PIGQ: variants seen among roughly 807,000 people sequenced by gnomAD.
PIGQ encodes the protein phosphatidylinositol glycan anchor biosynthesis class Q, also known as phosphatidylinositol N-acetylglucosaminyltransferase subunit Q.
A neutral mutation model predicts 60.3 loss-of-function variants in PIGQ; 54 were observed. The ratio of observed to expected loss-of-function variants is 0.90; its 90% CI spans 0.72 to 1.12. PIGQ has a LOEUF of 1.12. Among genes scored for constraint, PIGQ ranks in the 50% most tolerant of loss-of-function variants. The probability of loss-of-function intolerance (pLI) is 0.00; values close to 1 mark genes in which losing one functional copy is unlikely to be tolerated. For synonymous variants in PIGQ, 416 were observed against 363.7 expected (o/e 1.14, Z -1.64); for missense variants, 799 against 793.5 (o/e 1.01, Z -0.08).
rs1596389116 is a variant in PIGQ at position 583,559 on chromosome 16, C to T, written c.*524C>T. ...TGAAGCAGTCGCTGACCCCCGTCCC[C>T]AGCGGGCCCGGGCCCTCACTCCCTG... On this transcript the variant is annotated 3_prime_UTR_variant, in exon 11 of 11. Transcript: ENST00000321878. 1 of 1,612,534 alleles carries T rather than the reference C, an allele frequency of 6.2e-7. No homozygotes were observed. The highest frequency in any genetic ancestry group is 8.5e-7 in the Non-Finnish European group (1 of 1,179,724).
chr16:581,094 T>C (rs781107594), intron 9 of PIGQ, 122 bp downstream of exon 9: 174 of 1,373,620 alleles, frequency 1.3e-4, no homozygotes, highest in Non-Finnish European at 1.7e-4. Flanking sequence ...GTGGTATGCA[T>C]GCGCAAGCGG....
intron 4 of PIGQ, 86 bp downstream of exon 4, chr16:576,340 C>T (rs909423593): frequency 3.3e-5 from 47 of 1,420,558 alleles, no homozygotes; most frequent in South Asian, 9.6e-5. Context: ...CCAGAGCCAC[C>T]GCCCCACAAA....
chr16:579,459 TGCCCCGGGCCCGGAGACTA>T (rs2035778327), intron 7 of PIGQ: 1 of 195,072 alleles, frequency 5.1e-6, no homozygotes. Context: ...AGACTAGAGA[TGCCCCGGGCCCGGAGACTA>T]GAGGTGCCCC....
chr16:576,105 A>T, intron 3 of PIGQ, 29 bp from the exon 4 acceptor site: 1 of 1,545,360 alleles, frequency 6.5e-7, no homozygotes, highest in Non-Finnish European at 8.7e-7. Context: ...GGCCACCCTC[A>T]TGCCGGCCGG....
At chr16:579,357 CA>C (rs1477323635) in intron 7 of PIGQ, 177 bp downstream of exon 7, 2 of 609,358 alleles carry the variant, frequency 3.3e-6, no homozygotes, top group African/African-American at 3.7e-5. Flanking sequence ...GGCTCTGAAG[CA>C]GCGCAGAGCT....
At chr16:571,224 T>C (rs186623262) in intron 1 of PIGQ, among the ~76,000 whole-genome samples, 19 of 764 alleles carry the variant, frequency 0.025, no homozygotes, top group Non-Finnish European at 0.044. Flanking sequence ...GTGTGTCTGG[T>C]TAGCCTGTGT....
intron 7 of PIGQ, 42 bp from the exon 8 acceptor site, chr16:580,141 C>A: frequency 6.5e-7 from 1 of 1,530,196 alleles, no homozygotes; most frequent in Non-Finnish European, 9.0e-7. Context: ...TCCCTGGGCG[C>A]GGGGTCCTGC....
chr16:578,727 G>C (rs1362464330), intron 5 of PIGQ, 58 bp from the exon 6 acceptor site: 23 of 1,582,640 alleles, frequency 1.5e-5, no homozygotes, highest in Non-Finnish European at 2.0e-5. Context: ...TGTGAGGGTT[G>C]TGCTGGGCCG....
intron 9 of PIGQ, chr16:581,767 T>TTTC (rs2035813056): frequency 7.3e-6 from 1 of 136,690 alleles, no homozygotes; most frequent in Admixed American, 7.3e-5. Context: ...CGGCTTTTTT[T>TTTC]TTTTTTTTTT....
In PIGQ at chr16:574,224, C is replaced by T. The variant is rs766393075; in HGVS notation, c.150C>T (p.Ala50=). 7 of 1,611,710 alleles carry T rather than the reference C, an allele frequency of 4.3e-6. No individual in the cohort carries two copies. Among genetic ancestry groups the T allele is most frequent in the Non-Finnish European group, 5.1e-6 (6 of 1,179,762 alleles). The change falls in exon 2 of 11, where the codon GCC becomes GCT. Residue 50 remains alanine, a synonymous_variant. Coordinates refer to ENST00000321878, the MANE Select transcript of PIGQ (RefSeq NM_004204.5). ...CCATCCAGGTCAAGCAGCTCCTGGCCCAGGTGCGGCAGGCCAGCCAGGTGG... is the reference window on the plus strand; with the variant it reads ...CCATCCAGGTCAAGCAGCTCCTGGCTCAGGTGCGGCAGGCCAGCCAGGTGG... The part of the protein sequence containing the change: ...FIPIQVKQLL[A]QVRQASQVGV...
At chr16:581,251 AT>A in intron 9 of PIGQ, 3 of 1,390,748 alleles carry the variant, frequency 2.2e-6, no homozygotes, top group Admixed American at 2.4e-5. Context: ...CTGCCTTGGG[AT>A]TTTCTGGGCT....
rs1174041396 is a variant in PIGQ, at chr16:574,636, C to T, written c.562C>T (p.Leu188=). The T allele has an allele frequency of 5.0e-6, 8 of 1,607,792 alleles. No individual in the cohort carries two copies. The highest frequency in any genetic ancestry group is 6.8e-6 in the Non-Finnish European group (8 of 1,178,666). Residue 188 remains leucine (L), a synonymous_variant, in exon 2 of 11, where the codon CTG becomes TTG. Transcript: ENST00000321878. ...CCGCTTTGATGAGGGCCCCGTGCGG[C>T]TGAGCCACTGGCAGTCGGAGGGCGT... The part of the protein sequence containing the change: ...SDRFDEGPVR[L]SHWQSEGVEA...
intron 1 of PIGQ, among the ~76,000 whole-genome samples, chr16:571,105 G>C (rs867020066): frequency 1.3e-3 from 4 of 3,134 alleles, no homozygotes; most frequent in Admixed American, 5.0e-3. Flanking sequence ...GTGTGTGTGT[G>C]TGTCTGGCTA....
rs1291240727 is a variant in PIGQ, at chr16:574,201, A to C, written c.127A>C (p.Ile43Leu). The change falls in exon 2 of 11, where the codon ATC becomes CTC. Residue 43 changes from isoleucine (I) to leucine (L), a missense_variant. By Grantham distance (5) the Ile-to-Leu change is conservative (BLOSUM62 2). Transcript: ENST00000321878. The part of the protein sequence containing the change: ...LAVLHFPFIP[I>L]QVKQLLAQVR... ...GGTCCTGCACTTTCCCTTCATCCCC[A>C]TCCAGGTCAAGCAGCTCCTGGCCCA... is the stretch of plus-strand genomic sequence containing the variant. 2 of 1,612,278 alleles carry C rather than the reference A, an allele frequency of 1.2e-6. No homozygotes were observed. The highest frequency in any genetic ancestry group is 1.7e-6 in the Non-Finnish European group (2 of 1,179,736).
rs375275048 is a variant in PIGQ at position 584,071 on chromosome 16, G to A, written c.*1036G>A. On this transcript the variant is annotated 3_prime_UTR_variant, in exon 11 of 11. Coordinates refer to ENST00000321878, the MANE Select transcript of PIGQ (RefSeq NM_004204.5). ...CTGGCAACCCAGCACCGGGGAAGCCGTCAGCTGCTGTGACAATAAAACCTG... is the reference window on the plus strand; with the variant it reads ...CTGGCAACCCAGCACCGGGGAAGCCATCAGCTGCTGTGACAATAAAACCTG... 1.4e-5 allele frequency: 4 copies of A among 293,978 alleles called. No homozygotes were observed. The highest frequency in any genetic ancestry group is 3.2e-5 in the South Asian group (1 of 30,930). 18.2% of individuals were successfully genotyped at this position (293,978 alleles called of 1,614,324 possible).
chr16:580,431 G>A (rs949541443), intron 8 of PIGQ, 168 bp downstream of exon 8: 10 of 582,430 alleles, frequency 1.7e-5, no homozygotes, highest in Admixed American at 8.9e-5. Context: ...GAGTGGGCGA[G>A]GCCCTATCCT....
intron 5 of PIGQ, 62 bp from the exon 6 acceptor site, chr16:578,723 G>A: frequency 6.4e-7 from 1 of 1,566,860 alleles, no homozygotes; most frequent in Non-Finnish European, 8.7e-7. Context: ...TGTGTGTGAG[G>A]GTTGTGCTGG....
chr16:576,630 C>G (rs1039608908), intron 4 of PIGQ: 1 of 467,266 alleles, frequency 2.1e-6, no homozygotes, highest in Non-Finnish European at 3.8e-6. Flanking sequence ...GAAACCTTTC[C>G]TGTCCAGGGA....
At chr16:572,308 G>A (rs986897632) in intron 1 of PIGQ, among the ~76,000 whole-genome samples, 5 of 151,954 alleles carry the variant, frequency 3.3e-5, no homozygotes, top group Admixed American at 6.6e-5. Flanking sequence ...TCTGACCACT[G>A]AGGAAATGGG....
Sources: allele counts gnomAD v4.1 joint callset (sites outside exome capture counted in the v4.1 genomes callset), GRCh38; gene constraint gnomAD v4.1.1; transcripts MANE v1.5; gene names NCBI Gene and HGNC (gene_info 2026-07-23, HGNC 2026-07-21).